Variants in NHSL1 observed in about 807,000 individuals in gnomAD.
NHSL1 encodes the protein NHS-like protein 1.
Under a neutral mutation model 95.0 loss-of-function variants are expected in NHSL1, and 48 were observed. That is an observed-to-expected ratio of 0.51 (90% CI 0.40 to 0.64). The LOEUF is 0.64. Ranked by LOEUF, NHSL1 falls within the 30% of genes least tolerant of loss-of-function variation. The pLI is 0.00. For synonymous variants in NHSL1, 783 were observed against 833.9 expected, an observed-to-expected ratio of 0.94 and a Z score of 1.05; for missense variants, 1,971 against 2,077.7, an observed-to-expected ratio of 0.95 and a Z score of 1.00.
At chr6:138,518,595 G>C (rs771583708) in intron 1 of NHSL1, among the ~76,000 whole-genome samples, 3 of 149,366 alleles carry the variant, frequency 2.0e-5, no homozygotes, top group Non-Finnish European at 3.0e-5. Context: ...AATTAAAGTT[G>C]GAAAAAAACA....
intron 1 of NHSL1, among the ~76,000 whole-genome samples, chr6:138,504,618 C>T (rs545170829): frequency 6.6e-6 from 1 of 152,216 alleles, no homozygotes; most frequent in African/African-American, 2.4e-5. Flanking sequence ...AGGGCAGGCC[C>T]GCAGGGTCTT....
intron 1 of NHSL1, among the ~76,000 whole-genome samples, chr6:138,603,287 C>T (rs1056282565): frequency 2.0e-5 from 3 of 151,956 alleles, no homozygotes; most frequent in African/African-American, 7.3e-5. Flanking sequence ...TGAGGTCAAG[C>T]GATCCACCCA....
chr6:138,585,582 T>C (rs1298847057), intron 1 of NHSL1, among the ~76,000 whole-genome samples: 1 of 151,924 alleles, frequency 6.6e-6, no homozygotes, highest in Non-Finnish European at 1.5e-5. Context: ...TGGTCAAACT[T>C]CTCTCTCTCT....
chr6:138,585,350 G>A (rs114942444), intron 1 of NHSL1, among the ~76,000 whole-genome samples: 391 of 152,248 alleles, frequency 2.6e-3, no homozygotes, highest in African/African-American at 6.9e-3. Context: ...GTAATAATAC[G>A]ATTCTAAAAG....
chr6:138,601,211 C>T (rs1784365488), intron 1 of NHSL1, among the ~76,000 whole-genome samples: 1 of 152,188 alleles, frequency 6.6e-6, no homozygotes, highest in African/African-American at 2.4e-5. Context: ...TGATTATACT[C>T]CCTGGCCTGA....
At chr6:138,681,981 T>C (rs1266471410) in intron 1 of NHSL1, among the ~76,000 whole-genome samples, 1 of 94,160 alleles carries the variant, frequency 1.1e-5, no homozygotes. Context: ...GATACCGCTT[T>C]TCTTTTTTTT....
Position 138,569,520 on chromosome 6 carries a change from G to A in NHSL1, c.202+2190C>T, listed in dbSNP as rs528294241. ...TATTTATTTGCAACCAAATCCTAACGTGGCCATTGGGCATTCTTAGCATTG... is the reference window on the plus strand; with the variant it reads ...TATTTATTTGCAACCAAATCCTAACATGGCCATTGGGCATTCTTAGCATTG... On this transcript the variant is annotated intron_variant, in intron 1 of 6. Transcript: ENST00000427025. 9.2e-5 allele frequency among the ~76,000 whole-genome samples: 14 copies of A among 152,262 alleles called. 1 individual carries two copies. The South Asian group carries it at 1.0e-3, about 11-fold the overall frequency.
intron 1 of NHSL1, among the ~76,000 whole-genome samples, chr6:138,538,323 C>G (rs1782442243): frequency 1.3e-5 from 2 of 152,282 alleles, no homozygotes; most frequent in South Asian, 4.1e-4. Context: ...TTTTCTTTTG[C>G]CATGCCATCC....
At chr6:138,560,974 T>C (rs952266896) in intron 1 of NHSL1, among the ~76,000 whole-genome samples, 3 of 152,260 alleles carry the variant, frequency 2.0e-5, no homozygotes, top group Non-Finnish European at 2.9e-5. Flanking sequence ...CAAGTGATAC[T>C]GTTTAAAGAA....
At chr6:138,610,414 T>C (rs1486599357) in intron 1 of NHSL1, among the ~76,000 whole-genome samples, 1 of 151,672 alleles carries the variant, frequency 6.6e-6, no homozygotes, top group Non-Finnish European at 1.5e-5. Flanking sequence ...CGGGGAGGGA[T>C]AGCATTAGGA....
upstream of NHSL1, among the ~76,000 whole-genome samples, chr6:138,546,468 G>T (rs897265597): frequency 3.6e-5 from 5 of 140,384 alleles, no homozygotes; most frequent in Non-Finnish European, 7.5e-5. Flanking sequence ...AACTAGCTGG[G>T]CATGGTGGCA....
intron 5 of NHSL1, among the ~76,000 whole-genome samples, chr6:138,437,306 A>G (rs1776178603): frequency 8.1e-6 from 1 of 122,900 alleles, no homozygotes; most frequent in Non-Finnish European, 1.6e-5. Context: ...GTATATATAT[A>G]TATATATATA....
intron 1 of NHSL1, among the ~76,000 whole-genome samples, chr6:138,556,385 T>C (rs1322709940): frequency 1.3e-5 from 2 of 152,140 alleles, no homozygotes; most frequent in Admixed American, 1.3e-4. Flanking sequence ...GGAATAACAA[T>C]GCTTCTGTCA....
chr6:138,499,144 CACA>C, intron 1 of NHSL1, 86 bp downstream of exon 1: 1 of 846,702 alleles, frequency 1.2e-6, no homozygotes, highest in African/African-American at 1.8e-5. Flanking sequence ...GACACACACA[CACA>C]CACACACACA....
intron 1 of NHSL1, among the ~76,000 whole-genome samples, chr6:138,504,798 C>T (rs1201698052): frequency 6.6e-6 from 1 of 152,156 alleles, no homozygotes; most frequent in Admixed American, 6.5e-5. Flanking sequence ...TGCCACAATC[C>T]ACACAAAATG....
At chr6:138,640,768 G>GT (rs1784949500) in intron 1 of NHSL1, among the ~76,000 whole-genome samples, 1 of 152,090 alleles carries the variant, frequency 6.6e-6, no homozygotes, top group African/African-American at 2.4e-5. Context: ...TACAAGGTTG[G>GT]TTCCCCTAAC....
At chr6:138,610,404 C>T (rs1046526936) in intron 1 of NHSL1, among the ~76,000 whole-genome samples, 3 of 151,272 alleles carry the variant, frequency 2.0e-5, no homozygotes, top group South Asian at 2.1e-4. Flanking sequence ...GTGGGGGGAG[C>T]GGGGAGGGAT....
At chr6:138,441,797 TC>T (rs2128214761) in intron 5 of NHSL1, among the ~76,000 whole-genome samples, 185 bp downstream of exon 5, 1 of 152,278 alleles carries the variant, frequency 6.6e-6, no homozygotes, top group African/African-American at 2.4e-5. Flanking sequence ...CAAAATTCAA[TC>T]AACTCTCTCT....
chr6:138,663,968 T>G (rs1785263300), intron 1 of NHSL1, among the ~76,000 whole-genome samples: 1 of 152,250 alleles, frequency 6.6e-6, no homozygotes, highest in Non-Finnish European at 1.5e-5. Context: ...TTCTTGATAC[T>G]TCTGTGTTTT....
Sources: gnomAD v4.1 joint callset for allele counts (sites outside exome capture counted in the v4.1 genomes callset) on GRCh38, gnomAD v4.1.1 for gene constraint, MANE v1.5 for transcripts, NCBI Gene and HGNC (gene_info 2026-07-23, HGNC 2026-07-21) for gene names.